DTD1: variants seen among roughly 807,000 people sequenced by gnomAD.
DTD1 encodes D-aminoacyl-tRNA deacylase 1, also known as D-tyrosyl-tRNA deacylase 1 homolog.
DTD1 carries 13 observed loss-of-function variants against 25.6 expected under a neutral mutation model. That is an observed-to-expected ratio of 0.51 (90% CI 0.33 to 0.81). DTD1 has a LOEUF of 0.81. DTD1 is among the 30% of genes least tolerant of loss of function. DTD1 has a pLI of 0.02. For missense variants in DTD1, 193 were observed against 266.4 expected (o/e 0.72, Z 1.92); for synonymous variants, 110 against 103.6 (o/e 1.06, Z -0.37).
chr20:18,697,247 T>G lies in DTD1; in HGVS notation c.478-46853T>G, dbSNP rs1017232506. Among the ~76,000 whole-genome samples, 14 of 151,448 alleles carry G rather than the reference T, an allele frequency of 9.2e-5. 1 individual carries two copies. The South Asian group carries it at 1.5e-3, about 16-fold the overall frequency. On this transcript the variant is annotated intron_variant, in intron 4 of 5. Transcript: ENST00000377452. The stretch of plus-strand genomic sequence containing the variant: ...ACTCTGTCTCAAAAAACAAAAAAAA[T>G]TATTTAAAGCAACATTACAAAAACA...
chr20:18,624,612 G>C (rs73266508), intron 3 of DTD1, among the ~76,000 whole-genome samples: 2 of 152,000 alleles, frequency 1.3e-5, no homozygotes, highest in Non-Finnish European at 2.9e-5. Context: ...AGGTCCTTTG[G>C]GGGGACTCAA....
At chr20:18,626,090 T>C (rs2060756474) in intron 3 of DTD1, among the ~76,000 whole-genome samples, 1 of 152,254 alleles carries the variant, frequency 6.6e-6, no homozygotes, top group South Asian at 2.1e-4. Context: ...AATTTGCGCA[T>C]ATACTACCAT....
Position 18,588,105 on chromosome 20 carries a change from C to T in DTD1, c.33C>T (p.Ala11=), listed in dbSNP as rs1197367271. The change falls in exon 1 of 6, where the codon GCC becomes GCT. Residue 11 remains alanine, a synonymous_variant. Coordinates refer to ENST00000377452, the MANE Select transcript of DTD1 (RefSeq NM_080820.6). ...CCGTGGTGCAGCGCGTCACCCGGGCCAGCGTCACAGGTCAGTCGGGCGGGG... is the reference window on the plus strand; with the variant it reads ...CCGTGGTGCAGCGCGTCACCCGGGCTAGCGTCACAGGTCAGTCGGGCGGGG... The part of the protein sequence containing the change: MKAVVQRVTR[A]SVTVGGEQIS... 4 of 1,321,034 alleles carry T rather than the reference C, an allele frequency of 3.0e-6. No individual in the cohort carries two copies. Among genetic ancestry groups the T allele is most frequent in the Admixed American group, 4.1e-5 (1 of 24,146 alleles). 81.8% of individuals were successfully genotyped at this position (1,321,034 alleles called of 1,614,324 possible).
At position 18,765,204 on chromosome 20, in the gene DTD1, A is replaced by T. The variant is rs1168499031; in HGVS notation, c.*1864A>T. ...GAGCTGAAGGAGCTGGGGCTGTTTCATCTGGGAGGGGAACTCTAAATGTTT... is the reference window on the plus strand; with the variant it reads ...GAGCTGAAGGAGCTGGGGCTGTTTCTTCTGGGAGGGGAACTCTAAATGTTT... On this transcript the variant is annotated 3_prime_UTR_variant, in exon 6 of 6. Transcript: ENST00000377452. 6.6e-6 allele frequency: 1 copy of T among 152,322 alleles called. No homozygotes were observed. The highest frequency in any genetic ancestry group is 2.4e-5 in the African/African-American group (1 of 41,464). 9.4% of individuals were successfully genotyped at this position (152,322 alleles called of 1,614,324 possible). A position where few individuals can be genotyped will look rare whatever the true frequency, so the allele number is the denominator to read the frequency against.
At chr20:18,649,694 C>A (rs1324365347) in intron 4 of DTD1, among the ~76,000 whole-genome samples, 1 of 152,090 alleles carries the variant, frequency 6.6e-6, no homozygotes, top group African/African-American at 2.4e-5. Flanking sequence ...CTTTCAACAC[C>A]CCCTTACTCA....
chr20:18,718,136 A>G (rs2061188691), intron 4 of DTD1, among the ~76,000 whole-genome samples: 1 of 152,210 alleles, frequency 6.6e-6, no homozygotes, highest in Admixed American at 6.5e-5. Flanking sequence ...TCTTGGGTTT[A>G]TTTCTTTAAA....
chr20:18,702,754 A>G (rs570671988), intron 4 of DTD1, among the ~76,000 whole-genome samples: 1 of 152,122 alleles, frequency 6.6e-6, no homozygotes, highest in African/African-American at 2.4e-5. Flanking sequence ...CAAAAAAAAA[A>G]AAAAAAAAGG....
At chr20:18,687,520 T>A (rs1455660374) in intron 4 of DTD1, among the ~76,000 whole-genome samples, 3 of 152,196 alleles carry the variant, frequency 2.0e-5, no homozygotes, top group African/African-American at 4.8e-5. Flanking sequence ...TAGTGTATTA[T>A]GTTTGTAAAA....
rs1464628891 is a variant in DTD1 at position 18,686,899 on chromosome 20, A to G, written c.478-57201A>G. 2.0e-5 allele frequency among the ~76,000 whole-genome samples: 3 copies of G among 152,082 alleles called. No homozygotes were observed. The East Asian group carries it at 5.8e-4, about 29-fold the overall frequency. On this transcript the variant is annotated intron_variant, in intron 4 of 5. Transcript: ENST00000377452. ...GAGAAGTTGCACCACCACAATGCAG[A>G]CTCACTCAGGCCTTCCACAAATATT...
At chr20:18,747,938 G>A (rs1025592236) in intron 5 of DTD1, among the ~76,000 whole-genome samples, 2 of 151,994 alleles carry the variant, frequency 1.3e-5, no homozygotes, top group Non-Finnish European at 2.9e-5. Context: ...AGAATCTCTT[G>A]AACCCAGGAG....
chr20:18,744,464 C>G (rs1002027355), intron 5 of DTD1, among the ~76,000 whole-genome samples, 193 bp downstream of exon 5: 1 of 152,096 alleles, frequency 6.6e-6, no homozygotes, highest in Non-Finnish European at 1.5e-5. Flanking sequence ...TAAAGACATA[C>G]CTGAGACTGA....
At chr20:18,646,731 C>T (rs1220259838) in intron 4 of DTD1, among the ~76,000 whole-genome samples, 1 of 152,146 alleles carries the variant, frequency 6.6e-6, no homozygotes, top group Non-Finnish European at 1.5e-5. Flanking sequence ...TCCTCATGTG[C>T]CCTCATTGGC....
chr20:18,686,484 C>A (rs770556468), intron 4 of DTD1, among the ~76,000 whole-genome samples: 1 of 152,196 alleles, frequency 6.6e-6, no homozygotes, highest in Non-Finnish European at 1.5e-5. Flanking sequence ...AATTTACCTT[C>A]CCAGCAGCAA....
rs1197247655 is a variant in DTD1 at position 18,704,486 on chromosome 20, C to T, written c.478-39614C>T. ...TGGGGAAAAGATGCCTAACCAAGGG[C>T]AAATATGGGAGGGTAACCTCATCCT... is the stretch of plus-strand genomic sequence containing the variant. On this transcript the variant is annotated intron_variant, in intron 4 of 5. Transcript: ENST00000377452. 2.6e-5 allele frequency among the ~76,000 whole-genome samples: 4 copies of T among 152,134 alleles called. No homozygotes were observed. The South Asian group carries it at 6.2e-4, about 24-fold the overall frequency.
intron 4 of DTD1, among the ~76,000 whole-genome samples, chr20:18,704,091 CTG>C (rs1220106353): frequency 6.6e-6 from 1 of 151,692 alleles, no homozygotes; most frequent in Admixed American, 6.6e-5. Flanking sequence ...AGCTCCGCCT[CTG>C]GGGTTCACGC....
intron 4 of DTD1, among the ~76,000 whole-genome samples, chr20:18,653,502 T>C (rs2060881538): frequency 6.6e-6 from 1 of 152,200 alleles, no homozygotes; most frequent in South Asian, 2.1e-4. Flanking sequence ...GAAATAAGAA[T>C]ACTCTAAAAA....
rs571867324 is a variant in DTD1 at position 18,760,975 on chromosome 20, G to T, written c.*20-2385G>T. 2.9e-3 allele frequency among the ~76,000 whole-genome samples: 436 copies of T among 152,228 alleles called. 2 individuals carry two copies. Among genetic ancestry groups the T allele is most frequent in the African/African-American group, 9.8e-3 (406 of 41,544 alleles). On this transcript the variant is annotated intron_variant, in intron 5 of 5. Transcript: ENST00000377452. ...CAGCCTTGCTGCCACCTTGCAATTTGATCTCAGACTGCTGTGCTAGCAATG... is the reference window on the plus strand; with the variant it reads ...CAGCCTTGCTGCCACCTTGCAATTTTATCTCAGACTGCTGTGCTAGCAATG...
chr20:18,712,320 G>A (rs2122479523), intron 4 of DTD1, among the ~76,000 whole-genome samples: 1 of 128,058 alleles, frequency 7.8e-6, no homozygotes, highest in Non-Finnish European at 1.6e-5. Flanking sequence ...TAGCAATTGT[G>A]TTTTGAAATT....
Position 18,697,841 on chromosome 20 carries a change from C to T in DTD1, c.478-46259C>T, listed in dbSNP as rs375153946. Among the ~76,000 whole-genome samples, 578 of 152,312 alleles carry T rather than the reference C, an allele frequency of 3.8e-3. 3 individuals are homozygous for T. The highest frequency in any genetic ancestry group is 0.013 in the African/African-American group (558 of 41,572). ...CTGGGACTACAGGCGCCTGTCACCG[C>T]GCCTGGCTAATTTTTTGTATTTTTA... On this transcript the variant is annotated intron_variant, in intron 4 of 5. Transcript: ENST00000377452.
Sources: gnomAD v4.1 joint callset for allele counts (sites outside exome capture counted in the v4.1 genomes callset) on GRCh38, gnomAD v4.1.1 for gene constraint, MANE v1.5 for transcripts, NCBI Gene and HGNC (gene_info 2026-07-23, HGNC 2026-07-21) for gene names.